Variants in BCL2L13 observed in about 807,000 individuals in gnomAD.
The protein encoded by BCL2L13 is BCL2 like 13.
In BCL2L13, 13 loss-of-function variants were observed where a neutral mutation model predicts 25.8. That is an observed-to-expected ratio of 0.50 (90% confidence interval 0.33 to 0.80). The LOEUF is 0.80. Among genes scored for constraint, BCL2L13 ranks in the 30% least tolerant of loss-of-function variants. The probability of loss-of-function intolerance (pLI) is 0.02; values close to 1 mark genes in which losing one functional copy is unlikely to be tolerated. For synonymous variants in BCL2L13, 244 were observed against 230.3 expected, an observed-to-expected ratio of 1.06 and a Z score of -0.54; for missense variants, 504 against 574.9, an observed-to-expected ratio of 0.88 and a Z score of 1.26.
intron 1 of BCL2L13, among the ~76,000 whole-genome samples, chr22:17,649,806 G>A (rs968588633): frequency 1.3e-5 from 2 of 148,170 alleles, no homozygotes; most frequent in Admixed American, 1.4e-4. Flanking sequence ...CCTGGCCGCT[G>A]AAGAGACTTC....
chr22:17,642,324 A>G (rs563389793), intron 1 of BCL2L13, among the ~76,000 whole-genome samples: 3 of 151,600 alleles, frequency 2.0e-5, no homozygotes, highest in South Asian at 2.1e-4. Context: ...ACACCCAGCT[A>G]ATTTTTGTAT....
intron 6 of BCL2L13, among the ~76,000 whole-genome samples, chr22:17,718,820 C>A (rs927652823): frequency 1.3e-5 from 2 of 152,124 alleles, no homozygotes; most frequent in African/African-American, 4.8e-5. Context: ...TTACAAGCAC[C>A]TTGCAATTAT....
rs1197334060 is a variant in BCL2L13, at chr22:17,706,594, A to G, written c.600+4208A>G. 3.9e-6 allele frequency: 4 copies of G among 1,020,008 alleles called. No individual in the cohort carries two copies. In the East Asian group the frequency reaches 2.5e-4, roughly 64 times the overall value. The allele number at this position is 1,020,008 out of a possible 1,614,324, so 63.2% of individuals were successfully genotyped here. On this transcript the variant is annotated intron_variant, in intron 6 of 6. Coordinates refer to ENST00000317582, the MANE Select transcript of BCL2L13 (RefSeq NM_015367.4). ...GCCAGGTTTTCACATGCGTCTCTGA[A>G]GAGTGTGGTTTTTTTCCCTCTCCTT... is the stretch of plus-strand genomic sequence containing the variant.
upstream of BCL2L13, chr22:17,638,742 C>T: frequency 8.1e-7 from 1 of 1,231,708 alleles, no homozygotes; most frequent in Non-Finnish European, 1.0e-6. Flanking sequence ...GACGAAGGCA[C>T]GCCGGGGTGA....
chr22:17,688,860 T>C, intron 3 of BCL2L13, 126 bp from the exon 4 acceptor site: 1 of 747,608 alleles, frequency 1.3e-6, no homozygotes, highest in South Asian at 2.7e-5. Flanking sequence ...CTCTGCCTCC[T>C]GGGTTCAAGT....
At chr22:17,683,174 C>A in intron 2 of BCL2L13, 40 bp from the exon 3 acceptor site, 1 of 1,093,636 alleles carries the variant, frequency 9.1e-7, no homozygotes, top group Non-Finnish European at 1.4e-6. Context: ...AATGGTTTCT[C>A]TCTCCCTCTT....
Position 17,728,341 on chromosome 22 carries a change from C to T in BCL2L13, c.*807C>T, listed in dbSNP as rs974475954. On this transcript the variant is annotated 3_prime_UTR_variant, in exon 7 of 7. Transcript: ENST00000317582. ...TTCGAAATATGTACACAGAGAAAAT[C>T]ACATGAAGGAGACCTGGGGTCCCCA... 6.6e-6 allele frequency: 1 copy of T among 152,210 alleles called. No homozygotes were observed. The highest frequency in any genetic ancestry group is 2.4e-5 in the African/African-American group (1 of 41,454). The allele number at this position is 152,210 out of a possible 1,614,324, so 9.4% of individuals were successfully genotyped here.
chr22:17,629,815 T>TCACA (rs200829236), intron 1 of BCL2L13, among the ~76,000 whole-genome samples: 47 of 115,352 alleles, frequency 4.1e-4, no homozygotes, highest in African/African-American at 2.0e-3. Context: ...CACTTTATTT[T>TCACA]CATACACACA....
intron 6 of BCL2L13, among the ~76,000 whole-genome samples, chr22:17,713,544 C>T (rs1250605586): frequency 1.3e-5 from 2 of 151,014 alleles, no homozygotes; most frequent in African/African-American, 2.4e-5. Context: ...TCACTGCAAC[C>T]TCCGCCTCCT....
At chr22:17,700,993 T>C (rs1196237061) in intron 5 of BCL2L13, among the ~76,000 whole-genome samples, 1 of 152,208 alleles carries the variant, frequency 6.6e-6, no homozygotes, top group Admixed American at 6.5e-5. Flanking sequence ...TTGGTTTCAT[T>C]TCCTTTTGCA....
At chr22:17,635,046 G>A (rs1263059932), upstream of BCL2L13, among the ~76,000 whole-genome samples, 3 of 151,398 alleles carry the variant, frequency 2.0e-5, no homozygotes, top group Admixed American at 6.6e-5. Flanking sequence ...AACCACATTA[G>A]CCTGTAGGCT....
chr22:17,642,270 G>A (rs1162724814), intron 1 of BCL2L13, among the ~76,000 whole-genome samples: 1 of 150,988 alleles, frequency 6.6e-6, no homozygotes, highest in Non-Finnish European at 1.5e-5. Flanking sequence ...CTCAGTCTCA[G>A]TAACTGTAAC....
At chr22:17,697,756 A>T (rs187507640) in intron 5 of BCL2L13, among the ~76,000 whole-genome samples, 52 of 152,098 alleles carry the variant, frequency 3.4e-4, no homozygotes, top group African/African-American at 1.2e-3. Context: ...TAAGATATCT[A>T]TTTGCCTCGT....
At chr22:17,630,530 G>A (rs1307994020) in intron 1 of BCL2L13, among the ~76,000 whole-genome samples, 3 of 150,944 alleles carry the variant, frequency 2.0e-5, no homozygotes, top group South Asian at 4.2e-4. Flanking sequence ...CACCTGCCTC[G>A]GCCTCCGAGA....
chr22:17,638,535 C>T (rs1057190979), upstream of BCL2L13: 1 of 553,258 alleles, frequency 1.8e-6, no homozygotes. Flanking sequence ...GTCAGAATCC[C>T]AACCCCTCGA....
At chr22:17,705,706 TAA>T (rs1212732127) in intron 6 of BCL2L13, among the ~76,000 whole-genome samples, 1 of 152,214 alleles carries the variant, frequency 6.6e-6, no homozygotes, top group Non-Finnish European at 1.5e-5. Context: ...TGACAGCTCT[TAA>T]AACCCTTCCA....
chr22:17,647,156 A>G (rs1309148754), intron 1 of BCL2L13, among the ~76,000 whole-genome samples: 1 of 150,950 alleles, frequency 6.6e-6, no homozygotes, highest in African/African-American at 2.4e-5. Context: ...TTGTATTTCT[A>G]GTAGAGACGG....
In BCL2L13 at chr22:17,727,462, G is replaced by A. The variant is rs999828949; in HGVS notation, c.1386G>A (p.Leu462=). Residue 462 remains leucine (L), a synonymous_variant, in exon 7 of 7, where the codon CTG becomes CTA. Transcript: ENST00000317582. ...MPLSEGKSIL[L]FGGAAAVAIL... ...TGTCTGAGGGCAAGTCTATACTGCT[G>A]TTTGGAGGGGCTGCTGCTGTTGCCA... The A allele has an allele frequency of 1.2e-6, 2 of 1,614,168 alleles. No homozygotes were observed. The highest frequency in any genetic ancestry group is 3.3e-5 in the Admixed American group (2 of 60,016).
intron 1 of BCL2L13, among the ~76,000 whole-genome samples, chr22:17,651,145 A>G (rs1246599228): frequency 2.0e-5 from 3 of 151,302 alleles, no homozygotes; most frequent in African/African-American, 7.3e-5. Flanking sequence ...GATTACAGGC[A>G]TGCGCTACCA....
Sources: gnomAD v4.1 joint callset for allele counts (sites outside exome capture counted in the v4.1 genomes callset) on GRCh38, gnomAD v4.1.1 for gene constraint, MANE v1.5 for transcripts, NCBI Gene and HGNC (gene_info 2026-07-23, HGNC 2026-07-21) for gene names.